ITGA11: variants seen among roughly 807,000 people sequenced by gnomAD.
ITGA11 encodes the protein integrin alpha-11.
Under a neutral mutation model 141.9 loss-of-function variants are expected in ITGA11, and 97 were observed. The observed-to-expected ratio is 0.68, with a 90% CI of 0.58 to 0.81. ITGA11 has a LOEUF of 0.81. Among genes scored for constraint, ITGA11 ranks in the 30% least tolerant of loss-of-function variants. ITGA11 has a pLI of 0.00. For missense variants in ITGA11, 1,387 were observed against 1,559.2 expected (o/e 0.89, Z 1.86); for synonymous variants, 658 against 624.6 (o/e 1.05, Z -0.80).
chr15:68,309,968 A>T (rs1204453926), intron 26 of ITGA11, among the ~76,000 whole-genome samples: 1 of 152,160 alleles, frequency 6.6e-6, no homozygotes, highest in East Asian at 1.9e-4. Context: ...TTTTTTTAAG[A>T]TTAGCAAACC....
At chr15:68,357,588 G>A (rs1411227616) in intron 6 of ITGA11, among the ~76,000 whole-genome samples, 1 of 152,202 alleles carries the variant, frequency 6.6e-6, no homozygotes, top group Non-Finnish European at 1.5e-5. Context: ...GAAAACAAAA[G>A]CAGAGCAGAG....
Position 68,357,100 on chromosome 15 carries a change from C to T in ITGA11, c.749+51G>A, listed in dbSNP as rs1895093057. Reference sequence around the variant, plus strand: ...TGTGTTACAAGGCAATAGATAACTACAATAGCATCTGAGATCTAAAAAAAT... The same window carrying T: ...TGTGTTACAAGGCAATAGATAACTATAATAGCATCTGAGATCTAAAAAAAT... On this transcript the variant is annotated intron_variant, in intron 7 of 29. Coordinates refer to ENST00000315757, the MANE Select transcript of ITGA11 (RefSeq NM_001004439.2). 3.2e-6 allele frequency: 5 copies of T among 1,554,740 alleles called. No homozygotes were observed. In the South Asian group the frequency reaches 3.5e-5, roughly 11 times the overall value.
chr15:68,389,849 C>T (rs763312351), intron 2 of ITGA11, among the ~76,000 whole-genome samples: 6 of 152,158 alleles, frequency 3.9e-5, no homozygotes, highest in Non-Finnish European at 8.8e-5. Context: ...ACTTGTGAGG[C>T]CCAGCTCTGT....
intron 21 of ITGA11, 123 bp downstream of exon 21, chr15:68,317,142 T>A: frequency 1.4e-6 from 1 of 721,768 alleles, no homozygotes; most frequent in Non-Finnish European, 2.5e-6. Context: ...AAAAGCCACC[T>A]CAGGCCTCCC....
At chr15:68,382,585 A>C (rs1895889921) in intron 2 of ITGA11, among the ~76,000 whole-genome samples, 1 of 152,222 alleles carries the variant, frequency 6.6e-6, no homozygotes, top group Non-Finnish European at 1.5e-5. Context: ...GGCCTATGCC[A>C]ACCCCTGAAG....
chr15:68,416,102 A>G (rs1405657712), intron 1 of ITGA11, among the ~76,000 whole-genome samples: 2 of 152,166 alleles, frequency 1.3e-5, no homozygotes, highest in Admixed American at 6.5e-5. Context: ...CATCTCATCA[A>G]AAGCCTTGCC....
At chr15:68,370,642 G>A (rs1466474786) in intron 2 of ITGA11, among the ~76,000 whole-genome samples, 1 of 152,210 alleles carries the variant, frequency 6.6e-6, no homozygotes, top group African/African-American at 2.4e-5. Flanking sequence ...CAGGGACAGC[G>A]GTACTGTGTG....
Position 68,303,980 on chromosome 15 carries a change from G to T in ITGA11, c.3382-95C>A. 1.4e-6 allele frequency: 1 copy of T among 727,796 alleles called. No homozygotes were observed. Among genetic ancestry groups the T allele is most frequent in the Non-Finnish European group, 2.4e-6 (1 of 416,958 alleles). The allele number at this position is 727,796 out of a possible 1,614,324, so 45.1% of individuals were successfully genotyped here. On this transcript the variant is annotated intron_variant, in intron 28 of 29. Transcript: ENST00000315757. This position sits in a 1 kb window ranked among gnomAD's most constrained non-coding sequence, Gnocchi z 5.3. ...AGGAGGGTGGAGACAGCTGGCACCT[G>T]GTGGGGGAGCTGCATCCTCTTCCTC...
At chr15:68,365,175 C>G in intron 3 of ITGA11, 1 of 985,396 alleles carries the variant, frequency 1.0e-6, no homozygotes, top group Non-Finnish European at 1.2e-6. Flanking sequence ...GCAGTATCCC[C>G]GCTACGCTTT....
At chr15:68,320,866 G>A (rs1297623487) in intron 19 of ITGA11, among the ~76,000 whole-genome samples, 2 of 152,144 alleles carry the variant, frequency 1.3e-5, no homozygotes, top group African/African-American at 4.8e-5. Flanking sequence ...TCTCATAGTT[G>A]GATCAAAGTT....
In ITGA11 at chr15:68,328,505, C is replaced by T. The variant is rs1394261590; in HGVS notation, c.1902-243G>A. Among the ~76,000 whole-genome samples, 1 of 152,188 alleles carries T rather than the reference C, an allele frequency of 6.6e-6. No individual in the cohort carries two copies. Among genetic ancestry groups the T allele is most frequent in the Non-Finnish European group, 1.5e-5 (1 of 68,022 alleles). On this transcript the variant is annotated intron_variant, in intron 15 of 29. Coordinates refer to ENST00000315757, the MANE Select transcript of ITGA11 (RefSeq NM_001004439.2). The surrounding 1 kb of genome is among the most constrained non-coding windows in gnomAD (Gnocchi z 4.8). ...ATGGCCCCTCCATGCAGCCCCTCAG[C>T]ACTTTCCCCGAGGGGCTGTGCTCGC...
At position 68,322,412 on chromosome 15, in the gene ITGA11, G is replaced by T. The variant is rs983917491; in HGVS notation, c.2323-909C>A. Among the ~76,000 whole-genome samples the T allele has an allele frequency of 6.6e-6, 1 of 152,100 alleles. No individual in the cohort carries two copies. Among genetic ancestry groups the T allele is most frequent in the Non-Finnish European group, 1.5e-5 (1 of 68,018 alleles). On this transcript the variant is annotated intron_variant, in intron 18 of 29. Transcript: ENST00000315757. This position sits in a 1 kb window ranked among gnomAD's most constrained non-coding sequence, Gnocchi z 5.6. ...TCGGGCAAGAGATGACGCTGGTGTC[G>T]GTGTGGTAGTGGGCATGAGAGGAGG...
At chr15:68,414,407 A>C (rs1330128170) in intron 1 of ITGA11, among the ~76,000 whole-genome samples, 1 of 152,124 alleles carries the variant, frequency 6.6e-6, no homozygotes, top group African/African-American at 2.4e-5. Context: ...AGCAAAGGGG[A>C]CATGGGAGTA....
intron 22 of ITGA11, 48 bp from the exon 23 acceptor site, chr15:68,313,916 C>G (rs751836638): frequency 6.1e-6 from 9 of 1,479,542 alleles, no homozygotes; most frequent in Admixed American, 3.4e-5. Context: ...TCAGCCAGCA[C>G]AGGCAGCGGG....
At chr15:68,346,598 T>C (rs1281597744) in intron 10 of ITGA11, among the ~76,000 whole-genome samples, 2 of 152,218 alleles carry the variant, frequency 1.3e-5, no homozygotes, top group Non-Finnish European at 2.9e-5. Flanking sequence ...AAGGAAACAT[T>C]GGGACATTCA....
At chr15:68,401,569 C>T (rs1416958921) in intron 2 of ITGA11, among the ~76,000 whole-genome samples, 2 of 152,178 alleles carry the variant, frequency 1.3e-5, no homozygotes, top group African/African-American at 4.8e-5. Flanking sequence ...GGTTAAACCT[C>T]ACAGGCGTAA....
At position 68,304,644 on chromosome 15, in the gene ITGA11, G is replaced by A. The variant is rs1489188869; in HGVS notation, c.3382-759C>T. ...CTCCGCTGAATTCCAGGCTCACACC[G>A]ACTGTCTCCTGGCCTGCCTGGCAAC... On this transcript the variant is annotated intron_variant, in intron 28 of 29. Transcript: ENST00000315757. The surrounding 1 kb of genome is among the most constrained non-coding windows in gnomAD (Gnocchi z 6.1). 2.0e-5 allele frequency among the ~76,000 whole-genome samples: 3 copies of A among 152,216 alleles called. No individual in the cohort carries two copies. The East Asian group carries it at 5.8e-4, about 29-fold the overall frequency.
chr15:68,427,536 AG>A (rs1345820857), intron 1 of ITGA11, among the ~76,000 whole-genome samples: 3 of 152,024 alleles, frequency 2.0e-5, no homozygotes, highest in Non-Finnish European at 4.4e-5. Context: ...GGCAGCAGGG[AG>A]GGGGTTTGGC....
intron 2 of ITGA11, among the ~76,000 whole-genome samples, chr15:68,374,948 C>G (rs1262417967): frequency 6.6e-6 from 1 of 152,224 alleles, no homozygotes; most frequent in East Asian, 1.9e-4. Context: ...AGCTTTGGGG[C>G]TGGCAGAGCA....
Sources: allele counts gnomAD v4.1 joint callset (sites outside exome capture counted in the v4.1 genomes callset), GRCh38; gene constraint gnomAD v4.1.1; non-coding constraint Gnocchi (gnomAD v3.1); transcripts MANE v1.5; gene names NCBI Gene and HGNC (gene_info 2026-07-23, HGNC 2026-07-21).